FRMD4A: variants seen among roughly 807,000 people sequenced by gnomAD.
FRMD4A encodes the protein FERM domain containing 4A.
Under a neutral mutation model 129.1 loss-of-function variants are expected in FRMD4A, and 29 were observed. That is an observed-to-expected ratio of 0.22 (90% CI 0.17 to 0.31). The LOEUF is 0.31. Ranked by LOEUF, FRMD4A falls within the 10% of genes least tolerant of loss-of-function variation. The pLI, the probability that FRMD4A is intolerant of heterozygous loss-of-function variation, is 1.00. For missense variants in FRMD4A, 1,272 were observed against 1,375.8 expected (o/e 0.92, Z 1.19); for synonymous variants, 634 against 571.6 (o/e 1.11, Z -1.56).
intron 2 of FRMD4A, among the ~76,000 whole-genome samples, chr10:14,207,686 CCACACACACACA>C (rs56740311): frequency 2.1e-5 from 3 of 145,842 alleles, no homozygotes; most frequent in Non-Finnish European, 3.0e-5. Context: ...TCCTAGGTAA[CCACACACACACA>C]CACACACACA....
intron 2 of FRMD4A, among the ~76,000 whole-genome samples, chr10:14,085,215 T>G (rs1460837543): frequency 6.6e-6 from 1 of 152,144 alleles, no homozygotes; most frequent in Non-Finnish European, 1.5e-5. Context: ...CTAGGGATGT[T>G]TGGAGATGAA....
At chr10:14,067,299 G>C (rs1305702258) in intron 2 of FRMD4A, among the ~76,000 whole-genome samples, 1 of 151,916 alleles carries the variant, frequency 6.6e-6, no homozygotes, top group South Asian at 2.1e-4. Context: ...CTGGGCGACA[G>C]AGAGAGAGAC....
At chr10:13,767,431 G>C (rs11258588) in intron 6 of FRMD4A, among the ~76,000 whole-genome samples, 41,812 of 152,020 alleles carry the variant, frequency 0.28, 6,362 homozygotes, top group East Asian at 0.57. Flanking sequence ...TGGAAGCAGG[G>C]TTTCACCATG....
chr10:13,687,331 TG>T (rs2085183585), intron 15 of FRMD4A, among the ~76,000 whole-genome samples: 2 of 152,286 alleles, frequency 1.3e-5, no homozygotes, highest in African/African-American at 4.8e-5. Flanking sequence ...AGCTGTTCTC[TG>T]ATGGCAAATC....
At chr10:13,680,571 C>CA (rs2084472178) in intron 15 of FRMD4A, among the ~76,000 whole-genome samples, 1 of 150,820 alleles carries the variant, frequency 6.6e-6, no homozygotes, top group Admixed American at 6.6e-5. Flanking sequence ...ACTAAAAATA[C>CA]AAAAATCAGC....
rs540353960 is a variant in FRMD4A at position 14,330,906 on chromosome 10, A to G, written c.-391T>C. On this transcript the variant is annotated 5_prime_UTR_variant, in exon 1 of 25. The change abolishes an upstream ATG in the 5' untranslated region. Coordinates refer to ENST00000357447, the MANE Select transcript of FRMD4A (RefSeq NM_018027.5). ...GTTCTGATCTCCCTGGCTGTACCAC[A>G]TGTACGCCGCATACAGACACACTCT... is the stretch of plus-strand genomic sequence containing the variant. The G allele has an allele frequency of 8.3e-5, 33 of 398,614 alleles. No individual in the cohort carries two copies. The highest frequency in any genetic ancestry group is 5.8e-4 in the African/African-American group (28 of 48,694). The allele number at this position is 398,614 out of a possible 1,614,324, so 24.7% of individuals were successfully genotyped here.
intron 2 of FRMD4A, among the ~76,000 whole-genome samples, chr10:13,969,761 A>G (rs1163333151): frequency 6.6e-6 from 1 of 152,156 alleles, no homozygotes; most frequent in Non-Finnish European, 1.5e-5. Context: ...TGGGAGGATC[A>G]TCTGAGCCCA....
chr10:14,166,779 GC>G (rs2131878615), intron 2 of FRMD4A, among the ~76,000 whole-genome samples: 1 of 152,292 alleles, frequency 6.6e-6, no homozygotes, highest in East Asian at 1.9e-4. Flanking sequence ...TGTGGAATTT[GC>G]CCATATTATT....
intron 15 of FRMD4A, among the ~76,000 whole-genome samples, chr10:13,676,965 C>T (rs771603371): frequency 6.6e-6 from 1 of 152,144 alleles, no homozygotes; most frequent in Non-Finnish European, 1.5e-5. Context: ...AGTCAGAATT[C>T]CCAGAATCCA....
Position 14,089,785 on chromosome 10 carries a change from C to T in FRMD4A, c.46-230873G>A, listed in dbSNP as rs1162466727. ...GAGTTATCAGATGGGACTGGTCCAG[C>T]TTTGTGGGGCCGGGGCACACAGTGC... On this transcript the variant is annotated intron_variant, in intron 2 of 24. Coordinates refer to ENST00000357447, the MANE Select transcript of FRMD4A (RefSeq NM_018027.5). 3.3e-5 allele frequency among the ~76,000 whole-genome samples: 5 copies of T among 152,226 alleles called. No individual in the cohort carries two copies. The South Asian group carries it at 6.2e-4, about 19-fold the overall frequency.
At chr10:14,072,980 T>C (rs1383045764) in intron 2 of FRMD4A, among the ~76,000 whole-genome samples, 1 of 152,126 alleles carries the variant, frequency 6.6e-6, no homozygotes, top group Non-Finnish European at 1.5e-5. Context: ...CATATGTTTA[T>C]AATTCATATG....
chr10:13,684,794 A>G (rs1544303), intron 15 of FRMD4A: 984,358 of 984,734 alleles, frequency 1, 491,993 homozygotes, highest in Middle Eastern at 1. Flanking sequence ...AAAGCAAACA[A>G]TGCTCCAAAG....
At chr10:14,004,738 G>A (rs776336580) in intron 2 of FRMD4A, among the ~76,000 whole-genome samples, 7 of 152,096 alleles carry the variant, frequency 4.6e-5, no homozygotes, top group African/African-American at 1.7e-4. Context: ...TGAATAAACC[G>A]AAGCTGAGAA....
At chr10:14,203,647 G>A (rs1842702367) in intron 2 of FRMD4A, among the ~76,000 whole-genome samples, 1 of 152,078 alleles carries the variant, frequency 6.6e-6, no homozygotes, top group Admixed American at 6.5e-5. Flanking sequence ...CTTCCCACGG[G>A]GGTCACCTTG....
At chr10:13,899,735 T>C (rs2094798097) in intron 2 of FRMD4A, among the ~76,000 whole-genome samples, 1 of 152,162 alleles carries the variant, frequency 6.6e-6, no homozygotes, top group Non-Finnish European at 1.5e-5. Flanking sequence ...AGAGTCGTCT[T>C]TTGGAGGCTT....
At chr10:14,053,852 C>T (rs1045941552) in intron 2 of FRMD4A, among the ~76,000 whole-genome samples, 5 of 151,850 alleles carry the variant, frequency 3.3e-5, no homozygotes, top group Admixed American at 2.0e-4. Context: ...AGCAAGATCC[C>T]GTCTCTACAA....
chr10:13,978,244 G>T (rs2131398094), intron 2 of FRMD4A, among the ~76,000 whole-genome samples: 1 of 152,288 alleles, frequency 6.6e-6, no homozygotes, highest in South Asian at 2.1e-4. Context: ...GTAGGATAGG[G>T]TGGAGGCAGC....
intron 2 of FRMD4A, among the ~76,000 whole-genome samples, chr10:14,254,499 T>C (rs1259129748): frequency 6.6e-6 from 1 of 152,162 alleles, no homozygotes; most frequent in Non-Finnish European, 1.5e-5. Flanking sequence ...CTCTTATGTA[T>C]TGGGCTTGAA....
At chr10:13,840,756 C>A (rs1254182097) in intron 3 of FRMD4A, among the ~76,000 whole-genome samples, 7 of 137,158 alleles carry the variant, frequency 5.1e-5, no homozygotes, top group African/African-American at 1.7e-4. Context: ...CCACTGCACT[C>A]CAGTGTGGGC....
Sources: gnomAD v4.1 joint callset for allele counts (sites outside exome capture counted in the v4.1 genomes callset) on GRCh38, gnomAD v4.1.1 for gene constraint, MANE v1.5 for transcripts, NCBI Gene and HGNC (gene_info 2026-07-23, HGNC 2026-07-21) for gene names.